The following ESD variants were observed in gnomAD, a reference collection of about 807,000 sequenced individuals.
The protein encoded by ESD is S-formylglutathione hydrolase.
Under a neutral mutation model 38.1 loss-of-function variants are expected in ESD, and 34 were observed. That is an observed-to-expected ratio of 0.89 (90% confidence interval 0.68 to 1.19). The LOEUF is 1.19. Among genes scored for constraint, ESD ranks in the 50% most tolerant of loss-of-function variants. The pLI, the probability that ESD is intolerant of heterozygous loss-of-function variation, is 0.00. For missense variants in ESD, 334 were observed against 327.2 expected, an observed-to-expected ratio of 1.02 and a Z score of -0.16; for synonymous variants, 97 against 107.0, an observed-to-expected ratio of 0.91 and a Z score of 0.58.
At chr13:46,784,556 C>A (rs182950982) in intron 4 of ESD, among the ~76,000 whole-genome samples, 8 of 151,910 alleles carry the variant, frequency 5.3e-5, no homozygotes, top group South Asian at 2.1e-4. Flanking sequence ...CAAACCTGCA[C>A]GTGTACCCCT....
At chr13:46,794,727 G>A (rs773037458) in intron 1 of ESD, among the ~76,000 whole-genome samples, 1 of 152,026 alleles carries the variant, frequency 6.6e-6, no homozygotes, top group African/African-American at 2.4e-5. Context: ...CTAGACAGGT[G>A]TTCCCAAAAC....
intron 3 of ESD, among the ~76,000 whole-genome samples, chr13:46,788,407 C>T (rs1875271324): frequency 6.6e-6 from 1 of 152,002 alleles, no homozygotes; most frequent in Non-Finnish European, 1.5e-5. Context: ...GAAACATTTA[C>T]TTTCATTATA....
At chr13:46,786,933 G>T (rs1017901245) in intron 4 of ESD, 88 bp downstream of exon 4, 141 of 735,114 alleles carry the variant, frequency 1.9e-4, no homozygotes, top group Non-Finnish European at 2.5e-4. Flanking sequence ...GGCTCAAAAA[G>T]CCTACCAAGT....
chr13:46,791,060 A>G (rs1330212563), intron 3 of ESD, among the ~76,000 whole-genome samples: 1 of 152,140 alleles, frequency 6.6e-6, no homozygotes, highest in African/African-American at 2.4e-5. Context: ...CCTCAAAGAA[A>G]ATGTTTTCAG....
chr13:46,778,708 G>C (rs1398737776), intron 8 of ESD, among the ~76,000 whole-genome samples: 2 of 151,724 alleles, frequency 1.3e-5, no homozygotes, highest in African/African-American at 4.8e-5. Context: ...CTTTGCACCA[G>C]ATGAAGACTC....
In ESD at chr13:46,780,746, T is replaced by C. The variant is rs184400029; in HGVS notation, c.502-713A>G. 4.6e-5 allele frequency among the ~76,000 whole-genome samples: 7 copies of C among 151,800 alleles called. No homozygotes were observed. The East Asian group carries it at 1.2e-3, about 25-fold the overall frequency. On this transcript the variant is annotated intron_variant, in intron 7 of 9. Coordinates refer to ENST00000378720, the MANE Select transcript of ESD (RefSeq NM_001984.2). ...AATAAAGCGTACCAAAAACAAAATA[T>C]TTGATGCCACAGAAAGAAACTGTTA...
At chr13:46,794,627 A>G (rs1200839082) in intron 1 of ESD, among the ~76,000 whole-genome samples, 6 of 151,954 alleles carry the variant, frequency 3.9e-5, no homozygotes, top group Admixed American at 1.3e-4. Context: ...AAATCTCTAC[A>G]TGTGTTTTTT....
At chr13:46,785,378 T>C (rs767520844) in intron 4 of ESD, among the ~76,000 whole-genome samples, 2 of 152,044 alleles carry the variant, frequency 1.3e-5, no homozygotes, top group Non-Finnish European at 2.9e-5. Flanking sequence ...TGCAAGTTTC[T>C]GTATGGACAT....
Position 46,777,698 on chromosome 13 carries a change from GA to G in ESD, c.601-76del. Reference sequence around the variant, plus strand: ...GGATATACTATACTAGTACCAAACAGAAATTTAAAGTTATTTAAGCTCTTAG... The same window carrying G: ...GGATATACTATACTAGTACCAAACAGAATTTAAAGTTATTTAAGCTCTTAG... On this transcript the variant is annotated intron_variant, in intron 8 of 9. Coordinates refer to ENST00000378720, the MANE Select transcript of ESD (RefSeq NM_001984.2). 3.4e-6 allele frequency: 4 copies of G among 1,165,108 alleles called. 1 individual carries two copies. The highest frequency in any genetic ancestry group is 4.6e-6 in the Non-Finnish European group (4 of 862,166). 72.2% of individuals were successfully genotyped at this position (1,165,108 alleles called of 1,614,324 possible). A position where few individuals can be genotyped will look rare whatever the true frequency, so the allele number is the denominator to read the frequency against.
In ESD at chr13:46,777,493, G is replaced by C. The variant is rs1171058991; in HGVS notation, c.731C>G (p.Thr244Arg). 1 of 1,610,038 alleles carries C rather than the reference G, an allele frequency of 6.2e-7. No homozygotes were observed. Among genetic ancestry groups the C allele is most frequent in the African/African-American group, 1.3e-5 (1 of 74,884 alleles). ...AAAAACAACGGGGATTTTCTTTTCT[G>C]TACAGGCAGCTATGAAGTTATCAGG... is the stretch of plus-strand genomic sequence containing the variant. ...LLPDNFIAAC[T>R]EKKIPVVFRL... Residue 244 changes from threonine (T) to arginine (R), a missense_variant, in exon 9 of 10, where the codon ACA (threonine) becomes AGA (arginine). Coordinates refer to ENST00000378720, the MANE Select transcript of ESD (RefSeq NM_001984.2).
chr13:46,775,558 A>C (rs1874765374), intron 9 of ESD: 2 of 447,952 alleles, frequency 4.5e-6, no homozygotes, highest in Non-Finnish European at 9.2e-6. Context: ...TCTTGGGTCA[A>C]AGCTGGCAAG....
chr13:46,794,333 CTTTA>C (rs1875503452), intron 1 of ESD, among the ~76,000 whole-genome samples: 1 of 151,996 alleles, frequency 6.6e-6, no homozygotes, highest in Non-Finnish European at 1.5e-5. Flanking sequence ...CTGTTCTTCC[CTTTA>C]TTTTTTATTT....
In ESD at chr13:46,781,559, A is replaced by G. The variant is rs1382273685; in HGVS notation, c.438T>C (p.Phe146=). The change falls in exon 7 of 10, where the codon TTT becomes TTC. Residue 146 remains phenylalanine (F), a synonymous_variant. Transcript: ENST00000378720. The stretch of plus-strand genomic sequence containing the variant: ...CTCCATGACCTCCCATGGAGTGGCC[A>G]AAAATAGACATCCTTTGGGGATCCA... ...FPVDPQRMSI[F]GHSMGGHGAL... The G allele has an allele frequency of 5.6e-6, 9 of 1,608,476 alleles. No homozygotes were observed. The highest frequency in any genetic ancestry group is 7.7e-6 in the Non-Finnish European group (9 of 1,176,100).
At chr13:46,784,121 G>T in intron 5 of ESD, 131 bp downstream of exon 5, 1 of 632,082 alleles carries the variant, frequency 1.6e-6, no homozygotes, top group Non-Finnish European at 2.6e-6. Context: ...GAGTCATGAT[G>T]CCACTTGAAA....
In ESD at chr13:46,791,054, A is replaced by G. The variant is rs557870220; in HGVS notation, c.68+292T>C. 1.2e-4 allele frequency among the ~76,000 whole-genome samples: 19 copies of G among 152,294 alleles called. 1 individual carries two copies. In the South Asian group the frequency reaches 3.9e-3, roughly 32 times the overall value. On this transcript the variant is annotated intron_variant, in intron 3 of 9. Coordinates refer to ENST00000378720, the MANE Select transcript of ESD (RefSeq NM_001984.2). ...GTTTTTCCTACACTTAGAGATCCTC[A>G]AAGAAAATGTTTTCAGAATTTTTAC...
At chr13:46,782,277 T>C (rs556863287) in intron 6 of ESD, among the ~76,000 whole-genome samples, 14 of 151,748 alleles carry the variant, frequency 9.2e-5, no homozygotes, top group Non-Finnish European at 1.5e-4. Context: ...GAAAATCATA[T>C]AAAATTCAGA....
At chr13:46,779,336 C>T (rs892697230) in intron 8 of ESD, among the ~76,000 whole-genome samples, 1 of 151,570 alleles carries the variant, frequency 6.6e-6, no homozygotes, top group African/African-American at 2.4e-5. Context: ...CACAACTGAG[C>T]ACATAGTTAA....
intron 1 of ESD, among the ~76,000 whole-genome samples, chr13:46,793,929 G>T (rs1473193307): frequency 6.6e-6 from 1 of 152,066 alleles, no homozygotes; most frequent in East Asian, 1.9e-4. Flanking sequence ...GACTAGAAAG[G>T]ATGTATAAGA....
chr13:46,790,557 T>A (rs1431605119), intron 3 of ESD: 1 of 152,218 alleles, frequency 6.6e-6, no homozygotes, highest in Non-Finnish European at 1.5e-5. Flanking sequence ...GTGTCTGGTA[T>A]TCCCCAGTAC....
Sources: allele counts gnomAD v4.1 joint callset (sites outside exome capture counted in the v4.1 genomes callset), GRCh38; gene constraint gnomAD v4.1.1; transcripts MANE v1.5; gene names NCBI Gene and HGNC (gene_info 2026-07-23, HGNC 2026-07-21).